SLC38A11: variants seen among roughly 807,000 people sequenced by gnomAD.
The protein encoded by SLC38A11 is putative sodium-coupled neutral amino acid transporter 11.
Under a neutral mutation model 49.4 loss-of-function variants are expected in SLC38A11, and 51 were observed. The observed-to-expected ratio is 1.03, with a 90% confidence interval of 0.83 to 1.30. The LOEUF is 1.30. Among genes scored for constraint, SLC38A11 ranks in the 50% most tolerant of loss-of-function variants. The probability of loss-of-function intolerance (pLI) is 0.00; values close to 1 mark genes in which losing one functional copy is unlikely to be tolerated. For synonymous variants in SLC38A11, 203 were observed against 192.9 expected (o/e 1.05, Z -0.43); for missense variants, 574 against 556.2 (o/e 1.03, Z -0.32).
At chr2:164,919,375 A>G (rs1390217402) in intron 7 of SLC38A11, among the ~76,000 whole-genome samples, 1 of 152,136 alleles carries the variant, frequency 6.6e-6, no homozygotes, top group African/African-American at 2.4e-5. Flanking sequence ...GAGGAAAAGA[A>G]ATTTAAAACT....
At position 164,955,468 on chromosome 2, in the gene SLC38A11, A is replaced by C; in HGVS notation, c.-221T>G. ...GCAGCCTGGGGCGCTTTTCCACCGG[A>C]GTTCGCCCAGACAAATGTATTTTTC... On this transcript the variant is annotated 5_prime_UTR_variant, in exon 1 of 12. Coordinates refer to ENST00000685975, the MANE Select transcript of SLC38A11 (RefSeq NM_001351537.2). 1 of 556,214 alleles carries C rather than the reference A, an allele frequency of 1.8e-6. No individual in the cohort carries two copies. The highest frequency in any genetic ancestry group is 3.2e-6 in the Non-Finnish European group (1 of 312,384). 34.5% of individuals were successfully genotyped at this position (556,214 alleles called of 1,614,324 possible).
intron 3 of SLC38A11, among the ~76,000 whole-genome samples, chr2:164,946,564 C>T (rs1189940736): frequency 1.9e-5 from 2 of 106,618 alleles, no homozygotes; most frequent in Non-Finnish European, 1.9e-5. Context: ...GACTCCCTCT[C>T]AAAAAAAAAA....
intron 3 of SLC38A11, among the ~76,000 whole-genome samples, chr2:164,950,455 T>G (rs10164999): frequency 2.0e-5 from 3 of 151,904 alleles, no homozygotes; most frequent in Admixed American, 2.0e-4. Context: ...GTAAATGCTT[T>G]CATTTGCTTA....
Position 164,915,197 on chromosome 2 carries a change from A to T in SLC38A11, c.765T>A (p.Leu255=). 6.2e-7 allele frequency: 1 copy of T among 1,612,710 alleles called. No homozygotes were observed. The highest frequency in any genetic ancestry group is 8.5e-7 in the Non-Finnish European group (1 of 1,179,046). Residue 255 remains leucine, a synonymous_variant, in exon 9 of 12, where the codon CTT becomes CTA. Transcript: ENST00000685975. The stretch of plus-strand genomic sequence containing the variant: ...CAGAAATCACGATGGACATATGGAT[A>T]AGGCGGGACCACTTAGCTACTGTGG... ...EEPTVAKWSR[L]IHMSIVISVF... is the part of the protein sequence containing the mutation.
At chr2:164,946,973 C>G (rs992812568) in intron 3 of SLC38A11, among the ~76,000 whole-genome samples, 2 of 152,028 alleles carry the variant, frequency 1.3e-5, no homozygotes, top group African/African-American at 4.8e-5. Flanking sequence ...GTTGATCATT[C>G]CTTTTATTCT....
rs1220356976 is a variant in SLC38A11, at chr2:164,937,384, C to T, written c.583G>A (p.Val195Ile). The T allele has an allele frequency of 6.2e-7, 1 of 1,612,048 alleles. No individual in the cohort carries two copies. The highest frequency in any genetic ancestry group is 1.1e-5 in the South Asian group (1 of 91,044). ...CCCAGTGAAATTGCCCTTGCCATTA[C>T]AATTCCAAGAATCAGAGTTGTTAAA... ...TGLTTLILGI[V>I]MARAISLGPH... Residue 195 changes from valine to isoleucine, a missense_variant, in exon 7 of 12, where the codon GTA becomes ATA. Physicochemically the swap from Val to Ile is conservative, Grantham distance 29. Coordinates refer to ENST00000685975, the MANE Select transcript of SLC38A11 (RefSeq NM_001351537.2).
intron 10 of SLC38A11, among the ~76,000 whole-genome samples, chr2:164,909,339 TA>T (rs965697049): frequency 6.6e-6 from 1 of 152,032 alleles, no homozygotes; most frequent in African/African-American, 2.4e-5. Flanking sequence ...AGGAAAGCAA[TA>T]AAAAATTACT....
Position 164,955,454 on chromosome 2 carries a change from C to T in SLC38A11, c.-207G>A. ...ATCTCTAGGCTGTGGCAGCCTGGGG[C>T]GCTTTTCCACCGGAGTTCGCCCAGA... On this transcript the variant is annotated 5_prime_UTR_variant, in exon 1 of 12. Coordinates refer to ENST00000685975, the MANE Select transcript of SLC38A11 (RefSeq NM_001351537.2). 2 of 553,990 alleles carry T rather than the reference C, an allele frequency of 3.6e-6. No individual in the cohort carries two copies. The allele number at this position is 553,990 out of a possible 1,614,324, so 34.3% of individuals were successfully genotyped here. A position where few individuals can be genotyped will look rare whatever the true frequency, so the allele number is the denominator to read the frequency against.
At chr2:164,920,858 G>T (rs1686147548) in intron 7 of SLC38A11, among the ~76,000 whole-genome samples, 1 of 152,102 alleles carries the variant, frequency 6.6e-6, no homozygotes, top group Non-Finnish European at 1.5e-5. Flanking sequence ...ATGGAGGGCA[G>T]AGCTGAAGGC....
intron 7 of SLC38A11, among the ~76,000 whole-genome samples, chr2:164,935,397 T>C (rs1201102029): frequency 6.6e-6 from 1 of 150,960 alleles, no homozygotes; most frequent in Non-Finnish European, 1.5e-5. Context: ...AGGCCAGGCA[T>C]GGTGGTTTAC....
chr2:164,908,774 G>T lies in SLC38A11; in HGVS notation c.964-3C>A. The T allele has an allele frequency of 6.2e-7, 1 of 1,606,688 alleles. No homozygotes were observed. The highest frequency in any genetic ancestry group is 1.1e-5 in the South Asian group (1 of 89,604). On this transcript the variant is annotated splice_region_variant and splice_polypyrimidine_tract_variant and intron_variant, in intron 10 of 11. Coordinates refer to ENST00000685975, the MANE Select transcript of SLC38A11 (RefSeq NM_001351537.2). ...CCAAAAAACACATTGGCAATTACCTGCCGAATAAACAGATTATTTTGAGAG... is the reference window on the plus strand; with the variant it reads ...CCAAAAAACACATTGGCAATTACCTTCCGAATAAACAGATTATTTTGAGAG...
At position 164,904,304 on chromosome 2, in the gene SLC38A11, A is replaced by C. The variant is rs1426796109; in HGVS notation, c.1095+4336T>G. Among the ~76,000 whole-genome samples, 4 of 152,176 alleles carry C rather than the reference A, an allele frequency of 2.6e-5. No individual in the cohort carries two copies. The East Asian group carries it at 5.8e-4, about 22-fold the overall frequency. ...CTAAGACGCTGGATTCTTGTTACCA[A>C]GAATAGTGCTTATATTTATTTGATT... On this transcript the variant is annotated intron_variant, in intron 11 of 11. Coordinates refer to ENST00000685975, the MANE Select transcript of SLC38A11 (RefSeq NM_001351537.2).
At chr2:164,939,637 A>T (rs1002796577) in intron 5 of SLC38A11, 81 bp from the exon 6 acceptor site, 6 of 828,652 alleles carry the variant, frequency 7.2e-6, no homozygotes, top group Non-Finnish European at 1.1e-5. Context: ...GCATTTAATT[A>T]TAAAAATTAC....
At chr2:164,937,051 C>T (rs16849949) in intron 7 of SLC38A11, among the ~76,000 whole-genome samples, 35,760 of 152,044 alleles carry the variant, frequency 0.24, 5,303 homozygotes, top group South Asian at 0.44. Flanking sequence ...ACTGAAACTT[C>T]GTTCCTCTTT....
chr2:164,918,584 G>A (rs1039936084), intron 7 of SLC38A11, among the ~76,000 whole-genome samples: 53 of 152,102 alleles, frequency 3.5e-4, no homozygotes, highest in Non-Finnish European at 6.6e-4. Flanking sequence ...CAGATAGGAT[G>A]TTCAATATCA....
In SLC38A11 at chr2:164,939,517, A is replaced by G. The variant is rs370272336; in HGVS notation, c.470T>C (p.Ile157Thr). The change falls in exon 6 of 12, where the codon ATT becomes ACT. Residue 157 changes from isoleucine to threonine, a missense_variant. Physicochemically the swap from Ile to Thr is moderately conservative, Grantham distance 89. Transcript: ENST00000685975. Reference protein sequence around the residue: ...ENVFIGRHFIIGLSTVTFTLP... With the variant: ...ENVFIGRHFITGLSTVTFTLP... ...AGTAAAGGTAACTGTGGAAAGTCCA[A>G]TAATGAAGTGGCGACCAATAAACAC... The G allele has an allele frequency of 7.4e-6, 12 of 1,610,866 alleles. No homozygotes were observed. The Admixed American group carries it at 1.2e-4, about 16-fold the overall frequency.
intron 7 of SLC38A11, among the ~76,000 whole-genome samples, chr2:164,928,782 G>A (rs1686776676): frequency 6.6e-6 from 1 of 151,938 alleles, no homozygotes; most frequent in African/African-American, 2.4e-5. Flanking sequence ...AAAAATATAG[G>A]TTATCAGGCA....
At chr2:164,901,193 A>G (rs1331179504) in intron 11 of SLC38A11, among the ~76,000 whole-genome samples, 1 of 151,984 alleles carries the variant, frequency 6.6e-6, no homozygotes, top group African/African-American at 2.4e-5. Context: ...TACCGTTTTG[A>G]TTACTGCAGC....
At chr2:164,924,962 G>A (rs1573940385) in intron 7 of SLC38A11, among the ~76,000 whole-genome samples, 2 of 152,202 alleles carry the variant, frequency 1.3e-5, no homozygotes, top group South Asian at 4.2e-4. Flanking sequence ...GTTTCACTGT[G>A]GTCTCGATCT....
Sources: gnomAD v4.1 joint callset for allele counts (sites outside exome capture counted in the v4.1 genomes callset) on GRCh38, gnomAD v4.1.1 for gene constraint, MANE v1.5 for transcripts, NCBI Gene and HGNC (gene_info 2026-07-23, HGNC 2026-07-21) for gene names.